The following KIRREL3 variants were observed in gnomAD, a reference collection of about 807,000 sequenced individuals.
KIRREL3 encodes the protein kirre like nephrin family adhesion molecule 3.
A neutral mutation model predicts 89.7 loss-of-function variants in KIRREL3; 36 were observed. The ratio of observed to expected loss-of-function variants is 0.40; its 90% confidence interval spans 0.31 to 0.53. The LOEUF (loss-of-function observed/expected upper bound fraction) is 0.53, where lower values mean the gene tolerates loss of function less well. KIRREL3 is among the 20% of genes least tolerant of loss of function. The pLI is 0.49. For synonymous variants in KIRREL3, 445 were observed against 441.4 expected, an observed-to-expected ratio of 1.01 and a Z score of -0.10; for missense variants, 864 against 1,056.6, an observed-to-expected ratio of 0.82 and a Z score of 2.53.
At chr11:126,737,301 G>A (rs1948835243) in intron 1 of KIRREL3, among the ~76,000 whole-genome samples, 1 of 152,072 alleles carries the variant, frequency 6.6e-6, no homozygotes, top group East Asian at 1.9e-4. Context: ...CTTCAGGGCA[G>A]AGAGGGTGCT....
Position 126,923,130 on chromosome 11 carries a change from T to TCCTTCTCCTTCTCCTTCTCCTTCTC in KIRREL3, c.55+77324_55+77325insGAGAAGGAGAAGGAGAAGGAGAAGG, listed in dbSNP as rs373421868. On this transcript the variant is annotated intron_variant, in intron 1 of 16. Coordinates refer to ENST00000525144, the MANE Select transcript of KIRREL3 (RefSeq NM_032531.4). ...CTTCTCCTTCTCCTTCTCCTTCTTC[T>TCCTTCTCCTTCTCCTTCTCCTTCTC]CTTCTTCTTCTTCTTCTTCTTCTTC... Among the ~76,000 whole-genome samples the TCCTTCTCCTTCTCCTTCTCCTTCTC allele has an allele frequency of 9.8e-4, 16 of 16,288 alleles. 1 individual carries two copies. Among genetic ancestry groups the TCCTTCTCCTTCTCCTTCTCCTTCTC allele is most frequent in the Non-Finnish European group, 1.2e-3 (10 of 8,150 alleles). The allele number at this position is 16,288 out of a possible 152,430, so 10.7% of individuals were successfully genotyped here.
Position 126,461,953 on chromosome 11 carries a change from G to T in KIRREL3, c.742+1204C>A, listed in dbSNP as rs552839939. Among the ~76,000 whole-genome samples the T allele has an allele frequency of 2.6e-5, 4 of 152,332 alleles. No homozygotes were observed. The South Asian group carries it at 6.2e-4, about 24-fold the overall frequency. ...GAAGCAGCCACCTGCTTGCAGTAGC[G>T]TTATGTTTGGCGGCAGGGAGGGGAT... On this transcript the variant is annotated intron_variant, in intron 6 of 16. Transcript: ENST00000525144.
intron 1 of KIRREL3, among the ~76,000 whole-genome samples, chr11:126,871,971 C>A (rs75380479): frequency 1.9e-3 from 288 of 152,284 alleles, no homozygotes; most frequent in African/African-American, 6.4e-3. Flanking sequence ...TCCTGTTTCA[C>A]CACAGTTCCC....
At chr11:126,832,269 G>A (rs1482385354) in intron 1 of KIRREL3, among the ~76,000 whole-genome samples, 3 of 152,248 alleles carry the variant, frequency 2.0e-5, no homozygotes, top group Non-Finnish European at 4.4e-5. Flanking sequence ...CGTGCACACT[G>A]AGCGTCTACT....
At chr11:126,873,092 G>A (rs1007486959) in intron 1 of KIRREL3, among the ~76,000 whole-genome samples, 3 of 152,044 alleles carry the variant, frequency 2.0e-5, no homozygotes, top group Non-Finnish European at 2.9e-5. Flanking sequence ...TTTTTAGGAC[G>A]GCTCTGTCAA....
intron 1 of KIRREL3, among the ~76,000 whole-genome samples, chr11:126,923,129 C>CTTCTCTTCTTCTTCTTCTTCTTCT (rs1555090094): frequency 7.8e-5 from 2 of 25,732 alleles, no homozygotes; most frequent in Non-Finnish European, 1.6e-4. Flanking sequence ...TCTCCTTCTT[C>CTTCTCTTCTTCTTCTTCTTCTTCT]TCTTCTTCTT....
intron 1 of KIRREL3, among the ~76,000 whole-genome samples, chr11:126,633,439 C>A (rs1944133181): frequency 6.6e-6 from 1 of 152,106 alleles, no homozygotes; most frequent in Non-Finnish European, 1.5e-5. Flanking sequence ...GTGGATCTGT[C>A]ATGAATGGCT....
At position 126,669,622 on chromosome 11, in the gene KIRREL3, C is replaced by T. The variant is rs939930158; in HGVS notation, c.56-106710G>A. 2.6e-5 allele frequency among the ~76,000 whole-genome samples: 4 copies of T among 152,202 alleles called. No homozygotes were observed. Among genetic ancestry groups the T allele is most frequent in the Non-Finnish European group, 2.9e-5 (2 of 68,030 alleles). On this transcript the variant is annotated intron_variant, in intron 1 of 16. Coordinates refer to ENST00000525144, the MANE Select transcript of KIRREL3 (RefSeq NM_032531.4). This position sits in a 1 kb window ranked among gnomAD's most constrained non-coding sequence, Gnocchi z 5.0. ...TGGTTGACTCATTCAAGCCCTCCCA[C>T]GAGTCAGATTACCCAGTCAGCCAGT...
chr11:126,469,515 C>T (rs1367922882), intron 5 of KIRREL3, among the ~76,000 whole-genome samples: 1 of 152,202 alleles, frequency 6.6e-6, no homozygotes, highest in Admixed American at 6.5e-5. Context: ...CCAGAGCCTG[C>T]TCCATAGGAG....
chr11:126,822,208 T>A (rs1375497733), intron 1 of KIRREL3, among the ~76,000 whole-genome samples: 2 of 152,186 alleles, frequency 1.3e-5, no homozygotes, highest in African/African-American at 2.4e-5. Flanking sequence ...CTAGTACACA[T>A]GAAGTGTTGG....
chr11:126,572,968 T>C (rs1591760330), intron 1 of KIRREL3, among the ~76,000 whole-genome samples: 1 of 151,502 alleles, frequency 6.6e-6, no homozygotes, highest in African/African-American at 2.4e-5. Flanking sequence ...TGAGTAGGGG[T>C]AGGGGGAGAT....
chr11:126,441,630 A>G lies in KIRREL3; in HGVS notation c.1253-1081T>C, dbSNP rs1207467725. On this transcript the variant is annotated intron_variant, in intron 10 of 16. Coordinates refer to ENST00000525144, the MANE Select transcript of KIRREL3 (RefSeq NM_032531.4). The surrounding 1 kb of genome is among the most constrained non-coding windows in gnomAD (Gnocchi z 5.0). Reference sequence around the variant, plus strand: ...GGAGCAACGCATCTGGAGAACACACAGAATTATGCAGGAACAAAACAAAAA... The same window carrying G: ...GGAGCAACGCATCTGGAGAACACACGGAATTATGCAGGAACAAAACAAAAA... 6.6e-6 allele frequency among the ~76,000 whole-genome samples: 1 copy of G among 152,250 alleles called. No homozygotes were observed. Among genetic ancestry groups the G allele is most frequent in the African/African-American group, 2.4e-5 (1 of 41,470 alleles).
In KIRREL3 at chr11:126,651,533, C is replaced by T. The variant is rs929280573; in HGVS notation, c.56-88621G>A. On this transcript the variant is annotated intron_variant, in intron 1 of 16. Transcript: ENST00000525144. The surrounding 1 kb of genome is among the most constrained non-coding windows in gnomAD (Gnocchi z 4.6). ...GCCTAACTGGATCTTGGGAATAAAT[C>T]TCTTATTTTGGTAGCACTTTCAAAT... Among the ~76,000 whole-genome samples, 2 of 152,170 alleles carry T rather than the reference C, an allele frequency of 1.3e-5. No homozygotes were observed. The highest frequency in any genetic ancestry group is 4.8e-5 in the African/African-American group (2 of 41,442).
Position 126,576,334 on chromosome 11 carries a change from T to G in KIRREL3, c.56-13422A>C, listed in dbSNP as rs543710439. ...CTTCCAGTCATTCAGGTTTTTATCT[T>G]TGAGTTTATTCTAATTTCATTCATT... On this transcript the variant is annotated intron_variant, in intron 1 of 16. Transcript: ENST00000525144. This position sits in a 1 kb window ranked among gnomAD's most constrained non-coding sequence, Gnocchi z 5.4. Among the ~76,000 whole-genome samples the G allele has an allele frequency of 1.4e-3, 212 of 152,304 alleles. 5 individuals are homozygous for G. In the South Asian group the frequency reaches 0.043, roughly 31 times the overall value.
intron 1 of KIRREL3, among the ~76,000 whole-genome samples, chr11:126,728,363 C>G (rs1010981736): frequency 2.0e-5 from 3 of 152,238 alleles, no homozygotes; most frequent in Middle Eastern, 3.4e-3. Flanking sequence ...GCACATGCCT[C>G]TACTGTGCAT....
At position 126,563,005 on chromosome 11, in the gene KIRREL3, C is replaced by G; in HGVS notation, c.56-93G>C. The stretch of plus-strand genomic sequence containing the variant: ...GCAGGGGGCTGTGGAGCTTGTTGCT[C>G]TTATAAACAGAGGTGCTTTTGTTTA... On this transcript the variant is annotated intron_variant, in intron 1 of 16. Coordinates refer to ENST00000525144, the MANE Select transcript of KIRREL3 (RefSeq NM_032531.4). The surrounding 1 kb of genome is among the most constrained non-coding windows in gnomAD (Gnocchi z 6.8). 1 of 806,034 alleles carries G rather than the reference C, an allele frequency of 1.2e-6. No homozygotes were observed. Among genetic ancestry groups the G allele is most frequent in the South Asian group, 1.9e-5 (1 of 51,494 alleles). The allele number at this position is 806,034 out of a possible 1,614,324, so 49.9% of individuals were successfully genotyped here.
At chr11:126,675,382 T>C (rs1946141641) in intron 1 of KIRREL3, among the ~76,000 whole-genome samples, 1 of 152,246 alleles carries the variant, frequency 6.6e-6, no homozygotes, top group South Asian at 2.1e-4. Flanking sequence ...CTCAATTCTA[T>C]ATTTTAAAAG....
At chr11:126,661,904 A>G (rs1354817992) in intron 1 of KIRREL3, among the ~76,000 whole-genome samples, 1 of 152,224 alleles carries the variant, frequency 6.6e-6, no homozygotes, top group Non-Finnish European at 1.5e-5. Flanking sequence ...GGCTCAGTTC[A>G]CAAAGTTGAA....
At chr11:126,514,844 C>A (rs1421934623) in intron 4 of KIRREL3, among the ~76,000 whole-genome samples, 2 of 147,114 alleles carry the variant, frequency 1.4e-5, no homozygotes, top group African/African-American at 2.6e-5. Context: ...CAACACAACA[C>A]AACACAACAC....
Sources: gnomAD v4.1 joint callset for allele counts (sites outside exome capture counted in the v4.1 genomes callset) on GRCh38, gnomAD v4.1.1 for gene constraint, Gnocchi (gnomAD v3.1) non-coding constraint, MANE v1.5 for transcripts, NCBI Gene and HGNC (gene_info 2026-07-23, HGNC 2026-07-21) for gene names.